Variants in RPS6KC1 observed in about 807,000 individuals in gnomAD.
The protein encoded by RPS6KC1 is ribosomal protein S6 kinase C1.
A neutral mutation model predicts 103.8 loss-of-function variants in RPS6KC1; 54 were observed. The observed-to-expected ratio is 0.52, with a 90% CI of 0.42 to 0.65. RPS6KC1 has a LOEUF of 0.65. Among genes scored for constraint, RPS6KC1 ranks in the 30% least tolerant of loss-of-function variants. The pLI is 0.00. For synonymous variants in RPS6KC1, 439 were observed against 438.7 expected (o/e 1.00, Z -0.01); for missense variants, 1,151 against 1,253.8 (o/e 0.92, Z 1.24).
the RPS6KC1 span, among the ~76,000 whole-genome samples, chr1:213,807,274 C>A: frequency 2.6e-5 from 4 of 152,118 alleles, 1 homozygote; most frequent in African/African-American, 9.7e-5. Context: ...TTGCTCTTCT[C>A]GAGGAGTATG....
chr1:213,348,274 T>C, the RPS6KC1 span, among the ~76,000 whole-genome samples: 1 of 152,200 alleles, frequency 6.6e-6, no homozygotes, highest in African/African-American at 2.4e-5. Flanking sequence ...TATGGCTACT[T>C]GCACCAGATG....
chr1:213,370,598 C>T, the RPS6KC1 span, among the ~76,000 whole-genome samples: 1 of 152,176 alleles, frequency 6.6e-6, no homozygotes, highest in Non-Finnish European at 1.5e-5. Flanking sequence ...TGGAGGCCAA[C>T]ATGCTCTTAC....
the RPS6KC1 span, among the ~76,000 whole-genome samples, chr1:213,348,202 A>C: frequency 6.6e-6 from 1 of 152,208 alleles, no homozygotes; most frequent in African/African-American, 2.4e-5. Flanking sequence ...TTTGAGGAAA[A>C]GCCCCAGAGA....
chr1:213,614,626 T>C, the RPS6KC1 span, among the ~76,000 whole-genome samples: 3 of 152,230 alleles, frequency 2.0e-5, no homozygotes, highest in Admixed American at 6.5e-5. Flanking sequence ...ATCACTTCTT[T>C]ATTTCTTGGT....
At chr1:213,855,732 T>C in the RPS6KC1 span, among the ~76,000 whole-genome samples, 1 of 152,244 alleles carries the variant, frequency 6.6e-6, no homozygotes, top group Non-Finnish European at 1.5e-5. Context: ...CCTTGGCCCT[T>C]CAGCTCTGTG....
the RPS6KC1 span, among the ~76,000 whole-genome samples, chr1:213,402,456 G>A: frequency 7.6e-6 from 1 of 131,416 alleles, no homozygotes; most frequent in African/African-American, 2.7e-5. Context: ...TAACTTACCT[G>A]TTGCACACAG....
chr1:213,561,015 A>G, the RPS6KC1 span, among the ~76,000 whole-genome samples: 2 of 152,228 alleles, frequency 1.3e-5, no homozygotes, highest in East Asian at 3.8e-4. Context: ...ATGGTCCCTC[A>G]TTAATATGAT....
At chr1:213,408,155 A>G in the RPS6KC1 span, among the ~76,000 whole-genome samples, 4 of 152,202 alleles carry the variant, frequency 2.6e-5, no homozygotes, top group African/African-American at 7.2e-5. Context: ...TCTTTCCCCA[A>G]TCTAGCCACA....
At chr1:213,260,910 A>G (rs190066505) in intron 12 of RPS6KC1, among the ~76,000 whole-genome samples, 1 of 152,368 alleles carries the variant, frequency 6.6e-6, no homozygotes, top group East Asian at 1.9e-4. Context: ...TAGATATTCT[A>G]AAATCCCTTA....
chr1:213,796,885 G>A, the RPS6KC1 span, among the ~76,000 whole-genome samples: 1 of 152,100 alleles, frequency 6.6e-6, no homozygotes, highest in Non-Finnish European at 1.5e-5. Flanking sequence ...ATCTTTAAAC[G>A]TCTCCCTCCT....
chr1:213,617,469 C>G, the RPS6KC1 span, among the ~76,000 whole-genome samples: 1 of 152,172 alleles, frequency 6.6e-6, no homozygotes. Context: ...AGGGCCTTCT[C>G]CAGCTTAGAA....
chr1:213,400,911 T>C, the RPS6KC1 span, among the ~76,000 whole-genome samples: 2 of 152,236 alleles, frequency 1.3e-5, no homozygotes, highest in Admixed American at 1.3e-4. Flanking sequence ...TTCACCAAGT[T>C]GGCCAGGCTG....
At chr1:213,692,919 G>A in the RPS6KC1 span, among the ~76,000 whole-genome samples, 2 of 152,132 alleles carry the variant, frequency 1.3e-5, no homozygotes, top group Admixed American at 1.3e-4. Context: ...ATTCCTGGTG[G>A]TCGTGGGGCC....
chr1:213,437,293 G>T, the RPS6KC1 span, among the ~76,000 whole-genome samples: 1 of 151,778 alleles, frequency 6.6e-6, no homozygotes. Flanking sequence ...TCATCTTTTT[G>T]GTCAATGAGA....
At chr1:213,362,313 A>G in the RPS6KC1 span, among the ~76,000 whole-genome samples, 1 of 152,234 alleles carries the variant, frequency 6.6e-6, no homozygotes, top group Non-Finnish European at 1.5e-5. Flanking sequence ...TCGGCTATGT[A>G]ACTCTAGAGC....
the RPS6KC1 span, among the ~76,000 whole-genome samples, chr1:213,299,895 C>T: frequency 6.6e-6 from 1 of 152,184 alleles, no homozygotes; most frequent in African/African-American, 2.4e-5. Context: ...AGCTCCGCCT[C>T]CCGTGTTCAC....
chr1:213,471,279 A>T, the RPS6KC1 span, among the ~76,000 whole-genome samples: 64 of 152,178 alleles, frequency 4.2e-4, no homozygotes, highest in African/African-American at 1.5e-3. Flanking sequence ...CCTGCCCCAG[A>T]CTTAGAATCA....
chr1:213,559,600 A>G, the RPS6KC1 span, among the ~76,000 whole-genome samples: 1 of 152,196 alleles, frequency 6.6e-6, no homozygotes, highest in South Asian at 2.1e-4. Flanking sequence ...CAAAATTTGG[A>G]CACTATGCTG....
chr1:213,369,581 G>T, the RPS6KC1 span, among the ~76,000 whole-genome samples: 1 of 152,224 alleles, frequency 6.6e-6, no homozygotes, highest in Non-Finnish European at 1.5e-5. Flanking sequence ...CATTCTTTAG[G>T]GCTGAACCTG....
Sources: allele counts gnomAD v4.1 joint callset (sites outside exome capture counted in the v4.1 genomes callset), GRCh38; gene constraint gnomAD v4.1.1; transcripts MANE v1.5; gene names NCBI Gene and HGNC (gene_info 2026-07-23, HGNC 2026-07-21).